PCED1B: variants seen among roughly 807,000 people sequenced by gnomAD.
The protein encoded by PCED1B is PC-esterase domain-containing protein 1B.
For synonymous variants in PCED1B, 251 were observed against 246.1 expected (o/e 1.02, Z -0.19); for missense variants, 573 against 573.9 (o/e 1.00, Z 0.02).
chr12:47,176,171 T>C (rs1421631641), intron 2 of PCED1B, among the ~76,000 whole-genome samples: 2 of 152,248 alleles, frequency 1.3e-5, no homozygotes, highest in Non-Finnish European at 2.9e-5. Flanking sequence ...TTGTGATTTA[T>C]AATAAGGAAT....
chr12:47,186,656 G>T (rs1437516786), intron 2 of PCED1B, among the ~76,000 whole-genome samples: 1 of 152,124 alleles, frequency 6.6e-6, no homozygotes, highest in Non-Finnish European at 1.5e-5. Flanking sequence ...GCAAGCATCA[G>T]AAGCCAGGAA....
Position 47,121,147 on chromosome 12 carries a change from T to C in PCED1B, c.-526+16952T>C, listed in dbSNP as rs191438331. Among the ~76,000 whole-genome samples the C allele has an allele frequency of 1.1e-4, 17 of 152,350 alleles. No individual in the cohort carries two copies. The East Asian group carries it at 3.3e-3, about 29-fold the overall frequency. On this transcript the variant is annotated intron_variant, in intron 2 of 3. Coordinates refer to ENST00000546455, the MANE Select transcript of PCED1B (RefSeq NM_138371.3). The stretch of plus-strand genomic sequence containing the variant: ...TTTTAAATGGATAAAGTGTATGTTA[T>C]GTGAATTATTTCTCCATAAAGCATT...
chr12:47,081,260 A>G (rs1362725682), intron 1 of PCED1B, among the ~76,000 whole-genome samples: 3 of 152,128 alleles, frequency 2.0e-5, no homozygotes, highest in African/African-American at 7.2e-5. Context: ...AACTTGTAAT[A>G]TTACTTAAAA....
chr12:47,133,478 A>C (rs765122041), intron 2 of PCED1B, among the ~76,000 whole-genome samples: 1 of 152,166 alleles, frequency 6.6e-6, no homozygotes, highest in Non-Finnish European at 1.5e-5. Flanking sequence ...GAGTGGAGCA[A>C]GGTAGGGATG....
chr12:47,163,053 A>G (rs900672794), intron 2 of PCED1B, among the ~76,000 whole-genome samples: 36 of 152,326 alleles, frequency 2.4e-4, no homozygotes, highest in African/African-American at 8.4e-4. Context: ...AAGTCTTTCA[A>G]TCCATGAACA....
chr12:47,089,870 T>C (rs566416986), intron 1 of PCED1B, among the ~76,000 whole-genome samples: 9 of 151,852 alleles, frequency 5.9e-5, no homozygotes, highest in South Asian at 2.1e-4. Context: ...GCCTCCCGGG[T>C]TCAAGTGATT....
At chr12:47,088,148 T>C (rs756556532) in intron 1 of PCED1B, among the ~76,000 whole-genome samples, 35 of 152,234 alleles carry the variant, frequency 2.3e-4, no homozygotes, top group Non-Finnish European at 3.8e-4. Flanking sequence ...TTTGGTGAAC[T>C]ATAAAGCTGT....
At chr12:47,165,745 G>A (rs138536241) in intron 2 of PCED1B, among the ~76,000 whole-genome samples, 10 of 152,206 alleles carry the variant, frequency 6.6e-5, no homozygotes, top group Non-Finnish European at 1.5e-4. Context: ...GCTGTCTTTG[G>A]AGCCGGTTTT....
chr12:47,163,789 A>G (rs1181696583), intron 2 of PCED1B, among the ~76,000 whole-genome samples: 2 of 152,206 alleles, frequency 1.3e-5, no homozygotes, highest in Non-Finnish European at 2.9e-5. Context: ...GTAGGTTGTG[A>G]GGTTCAACAA....
At chr12:47,090,574 T>A (rs1170095117) in intron 1 of PCED1B, among the ~76,000 whole-genome samples, 1 of 152,090 alleles carries the variant, frequency 6.6e-6, no homozygotes, top group African/African-American at 2.4e-5. Flanking sequence ...AACAGGACAT[T>A]ACCAGCTCTC....
intron 1 of PCED1B, among the ~76,000 whole-genome samples, chr12:47,096,951 T>C (rs1400898317): frequency 6.6e-6 from 1 of 152,218 alleles, no homozygotes; most frequent in Non-Finnish European, 1.5e-5. Flanking sequence ...GGCAGCAATA[T>C]TGATTTTTTA....
At chr12:47,135,142 AGTTTG>A (rs1940297763) in intron 2 of PCED1B, among the ~76,000 whole-genome samples, 1 of 152,180 alleles carries the variant, frequency 6.6e-6, no homozygotes. Context: ...TTAATTAATG[AGTTTG>A]GTGTCCATGT....
At chr12:47,089,458 A>AG (rs1938149357) in intron 1 of PCED1B, among the ~76,000 whole-genome samples, 1 of 46,820 alleles carries the variant, frequency 2.1e-5, no homozygotes, top group South Asian at 7.3e-4. Context: ...AAAAAAAAAA[A>AG]TACATATATA....
rs1000170156 is a variant in PCED1B, at chr12:47,202,610, A to G, written c.-525-13612A>G. Among the ~76,000 whole-genome samples the G allele has an allele frequency of 7.8e-4, 118 of 151,132 alleles. 1 individual carries two copies. Among genetic ancestry groups the G allele is most frequent in the Admixed American group, 5.5e-3 (84 of 15,224 alleles). ...AGACATTAGTAAAAAAAAAAAAAAA[A>G]AAAAAAAAAGAAAAAAGAAAAAAAA... On this transcript the variant is annotated intron_variant, in intron 2 of 3. Coordinates refer to ENST00000546455, the MANE Select transcript of PCED1B (RefSeq NM_138371.3).
chr12:47,166,556 A>G (rs1357934), intron 2 of PCED1B, among the ~76,000 whole-genome samples: 1,985 of 152,326 alleles, frequency 0.013, 34 homozygotes, highest in African/African-American at 0.044. Flanking sequence ...TTGAATGGCA[A>G]CTGGCCACCG....
chr12:47,150,258 G>A (rs1940940254), intron 2 of PCED1B, among the ~76,000 whole-genome samples: 1 of 152,074 alleles, frequency 6.6e-6, no homozygotes, highest in Non-Finnish European at 1.5e-5. Flanking sequence ...CCCTGGTGGA[G>A]CTCATATTCC....
At chr12:47,203,298 A>AT (rs1329504932) in intron 2 of PCED1B, among the ~76,000 whole-genome samples, 7 of 151,922 alleles carry the variant, frequency 4.6e-5, no homozygotes, top group African/African-American at 1.7e-4. Flanking sequence ...ATTTTTTAAA[A>AT]TTTTTTATTT....
intron 2 of PCED1B, among the ~76,000 whole-genome samples, chr12:47,152,677 T>G (rs1484539278): frequency 6.6e-6 from 1 of 152,204 alleles, no homozygotes; most frequent in East Asian, 1.9e-4. Flanking sequence ...AGGCCTATAA[T>G]CCCAGCACTT....
chr12:47,142,248 A>G (rs1318529411), intron 2 of PCED1B, among the ~76,000 whole-genome samples: 1 of 152,184 alleles, frequency 6.6e-6, no homozygotes, highest in African/African-American at 2.4e-5. Context: ...ACCCAGCAGC[A>G]GTCACATTGC....
Sources: gnomAD v4.1 joint callset for allele counts (sites outside exome capture counted in the v4.1 genomes callset) on GRCh38, gnomAD v4.1.1 for gene constraint, MANE v1.5 for transcripts, NCBI Gene and HGNC (gene_info 2026-07-23, HGNC 2026-07-21) for gene names.